Variants in PACS1 observed in about 807,000 individuals in gnomAD.
PACS1 encodes PACS-1.
PACS1 carries 24 observed loss-of-function variants against 115.0 expected under a neutral mutation model. The ratio of observed to expected loss-of-function variants is 0.21; its 90% CI spans 0.15 to 0.29. PACS1 has a LOEUF of 0.29. Ranked by LOEUF, PACS1 falls within the 10% of genes least tolerant of loss-of-function variation. PACS1 has a pLI of 1.00. For synonymous variants in PACS1, 453 were observed against 504.5 expected (o/e 0.90, Z 1.37); for missense variants, 838 against 1,251.2 (o/e 0.67, Z 4.98).
intron 2 of PACS1, 44 bp downstream of exon 2, chr11:66,193,617 A>G (rs761666224): frequency 7.0e-7 from 1 of 1,431,578 alleles, no homozygotes; most frequent in South Asian, 1.1e-5. Flanking sequence ...GGGAAGCTGG[A>G]TAACCATTTG....
In PACS1 at chr11:66,100,963, A is replaced by C. The variant is rs1857904393; in HGVS notation, c.356+30121A>C. 3 of 455,216 alleles carry C rather than the reference A, an allele frequency of 6.6e-6. No homozygotes were observed. In the Admixed American group the frequency reaches 7.1e-5, roughly 11 times the overall value. The allele number at this position is 455,216 out of a possible 1,614,324, so 28.2% of individuals were successfully genotyped here. On this transcript the variant is annotated intron_variant, in intron 1 of 23. Coordinates refer to ENST00000320580, the MANE Select transcript of PACS1 (RefSeq NM_018026.4). ...GTGCCTGTCCTCCTCCAGCGTGGAG[A>C]GTCACATGGCCTCATTTCTACTGCA... is the stretch of plus-strand genomic sequence containing the variant.
At chr11:66,123,511 TTTTATTTTATTTA>T (rs1046707375) in intron 1 of PACS1, among the ~76,000 whole-genome samples, 1 of 148,686 alleles carries the variant, frequency 6.7e-6, no homozygotes, top group Non-Finnish European at 1.5e-5. Context: ...ATTTTTATTT[TTTTATTTTATTTA>T]TTTATTTATT....
intron 1 of PACS1, among the ~76,000 whole-genome samples, chr11:66,171,072 T>C (rs1859727169): frequency 6.6e-6 from 1 of 150,486 alleles, no homozygotes; most frequent in African/African-American, 2.5e-5. Context: ...GTTAGCATTT[T>C]TTTCTGTTTA....
chr11:66,161,543 T>C (rs1457489657), intron 1 of PACS1, among the ~76,000 whole-genome samples: 1 of 152,210 alleles, frequency 6.6e-6, no homozygotes, highest in East Asian at 1.9e-4. Flanking sequence ...GGAATCTTAG[T>C]TCCCCCTAGC....
chr11:66,102,894 G>A (rs1857951735), intron 1 of PACS1, among the ~76,000 whole-genome samples: 1 of 152,072 alleles, frequency 6.6e-6, no homozygotes, highest in Middle Eastern at 3.4e-3. Context: ...ACAGTGGCAC[G>A]ATCTCAGCTC....
chr11:66,234,340 G>T lies in PACS1; in HGVS notation c.2104+98G>T, dbSNP rs549986793. Reference sequence around the variant, plus strand: ...CTGAGGTCATGCTGCTTTCCTCCCTGCAGCTCTCACCTTCCCGGTCACTCT... The same window carrying T: ...CTGAGGTCATGCTGCTTTCCTCCCTTCAGCTCTCACCTTCCCGGTCACTCT... On this transcript the variant is annotated intron_variant, in intron 17 of 23. Transcript: ENST00000320580. The T allele has an allele frequency of 7.6e-4, 614 of 805,414 alleles. 1 individual carries two copies. The highest frequency in any genetic ancestry group is 2.2e-4 in the Non-Finnish European group (100 of 447,448). 49.9% of individuals were successfully genotyped at this position (805,414 alleles called of 1,614,324 possible). A position where few individuals can be genotyped will look rare whatever the true frequency, so the allele number is the denominator to read the frequency against.
chr11:66,232,879 G>A, intron 14 of PACS1, 81 bp from the exon 15 acceptor site: 1 of 1,037,712 alleles, frequency 9.6e-7, no homozygotes, highest in Non-Finnish European at 1.5e-6. Context: ...AGCTCGGTCT[G>A]GGTCTCACTT....
intron 1 of PACS1, among the ~76,000 whole-genome samples, chr11:66,142,197 G>A (rs1565122683): frequency 6.6e-6 from 1 of 152,172 alleles, no homozygotes; most frequent in East Asian, 1.9e-4. Context: ...TGGGATTATG[G>A]ACATTGTTCT....
chr11:66,185,018 A>G (rs1018702398), intron 1 of PACS1, among the ~76,000 whole-genome samples: 3 of 152,196 alleles, frequency 2.0e-5, no homozygotes, highest in Non-Finnish European at 4.4e-5. Flanking sequence ...GGGACAGGCC[A>G]GGAACTCTCG....
intron 13 of PACS1, among the ~76,000 whole-genome samples, chr11:66,231,461 C>T (rs3782081): frequency 0.11 from 17,322 of 152,234 alleles, 1,415 homozygotes; most frequent in Admixed American, 0.24. Flanking sequence ...CCTCAGGAAT[C>T]GTGTTCTCCT....
chr11:66,098,005 C>T (rs946720475), intron 1 of PACS1, among the ~76,000 whole-genome samples: 5 of 152,096 alleles, frequency 3.3e-5, no homozygotes, highest in African/African-American at 4.8e-5. Flanking sequence ...GGTGAAACCT[C>T]GTCTCTACTA....
intron 1 of PACS1, among the ~76,000 whole-genome samples, chr11:66,100,039 C>T (rs984492622): frequency 2.0e-5 from 3 of 152,004 alleles, no homozygotes; most frequent in Non-Finnish European, 4.4e-5. Flanking sequence ...CGCCAGCACA[C>T]CCAGCTAATT....
rs1859233617 is a variant in PACS1 at position 66,151,349 on chromosome 11, G to C, written c.357-42137G>C. Among the ~76,000 whole-genome samples the C allele has an allele frequency of 2.6e-5, 4 of 152,056 alleles. No individual in the cohort carries two copies. In the South Asian group the frequency reaches 8.3e-4, roughly 31 times the overall value. ...AAGCCTTACTGGCTTGGGGTTCAGA[G>C]GAAAGACCCTAATATTGCCCAAGCA... On this transcript the variant is annotated intron_variant, in intron 1 of 23. Transcript: ENST00000320580.
chr11:66,228,468 C>T (rs938558502), intron 11 of PACS1, among the ~76,000 whole-genome samples: 1 of 152,192 alleles, frequency 6.6e-6, no homozygotes, highest in Non-Finnish European at 1.5e-5. Flanking sequence ...TTCTAGTTCA[C>T]CAGTAATCTG....
At chr11:66,138,306 G>A (rs1858895310) in intron 1 of PACS1, among the ~76,000 whole-genome samples, 1 of 151,960 alleles carries the variant, frequency 6.6e-6, no homozygotes, top group African/African-American at 2.4e-5. Context: ...ATATTACCTG[G>A]GCTGGTATTG....
At chr11:66,187,275 G>T (rs1411935418) in intron 1 of PACS1, among the ~76,000 whole-genome samples, 2 of 152,116 alleles carry the variant, frequency 1.3e-5, no homozygotes, top group Non-Finnish European at 2.9e-5. Context: ...AGAACAGGGG[G>T]ATTAGCATAC....
chr11:66,109,451 A>G (rs1194677224), intron 1 of PACS1, among the ~76,000 whole-genome samples: 1 of 152,236 alleles, frequency 6.6e-6, no homozygotes, highest in Non-Finnish European at 1.5e-5. Flanking sequence ...AGGTCTGTGA[A>G]GAAGTGTGTG....
intron 1 of PACS1, among the ~76,000 whole-genome samples, chr11:66,082,533 G>A (rs1167527681): frequency 6.6e-6 from 1 of 152,110 alleles, no homozygotes; most frequent in Non-Finnish European, 1.5e-5. Context: ...CACCTCATTT[G>A]TTATGAAGAT....
At chr11:66,212,886 A>G (rs1047984414) in intron 4 of PACS1, among the ~76,000 whole-genome samples, 1 of 152,008 alleles carries the variant, frequency 6.6e-6, no homozygotes, top group Non-Finnish European at 1.5e-5. Flanking sequence ...GTCTCACTTC[A>G]TCACCCAGGC....
Sources: gnomAD v4.1 joint callset for allele counts (sites outside exome capture counted in the v4.1 genomes callset) on GRCh38, gnomAD v4.1.1 for gene constraint, MANE v1.5 for transcripts, NCBI Gene and HGNC (gene_info 2026-07-23, HGNC 2026-07-21) for gene names.